Variants in SGCZ observed in about 807,000 individuals in gnomAD.
SGCZ encodes zeta-sarcoglycan.
Under a neutral mutation model 41.3 loss-of-function variants are expected in SGCZ, and 40 were observed. The ratio of observed to expected loss-of-function variants is 0.97; its 90% CI spans 0.75 to 1.26. The LOEUF (loss-of-function observed/expected upper bound fraction) is 1.26. Among genes scored for constraint, SGCZ ranks in the 50% most tolerant of loss-of-function variants. The pLI is 0.00. For missense variants in SGCZ, 552 were observed against 369.8 expected (o/e 1.49, Z -4.04); for synonymous variants, 206 against 137.5 (o/e 1.50, Z -3.49).
At chr8:14,835,256 T>C (rs561157921) in intron 1 of SGCZ, among the ~76,000 whole-genome samples, 2 of 152,322 alleles carry the variant, frequency 1.3e-5, no homozygotes, top group South Asian at 4.1e-4. Context: ...TGAAATATTT[T>C]CATCTGTCAT....
intron 1 of SGCZ, among the ~76,000 whole-genome samples, chr8:14,670,552 T>A (rs915739360): frequency 2.0e-5 from 3 of 152,176 alleles, no homozygotes; most frequent in African/African-American, 7.2e-5. Flanking sequence ...ATTAGATTAA[T>A]TTGAGGCTAA....
intron 2 of SGCZ, among the ~76,000 whole-genome samples, chr8:14,520,793 A>G (rs1563382743): frequency 6.6e-6 from 1 of 152,120 alleles, no homozygotes; most frequent in Non-Finnish European, 1.5e-5. Context: ...TTCTTTGAAC[A>G]TTATCATTTA....
chr8:14,888,413 T>C (rs1463754632), intron 1 of SGCZ, among the ~76,000 whole-genome samples: 2 of 152,128 alleles, frequency 1.3e-5, no homozygotes, highest in East Asian at 3.9e-4. Context: ...ACTTGAACCG[T>C]GACTATGATT....
chr8:15,217,377 A>G (rs35343843), intron 1 of SGCZ, among the ~76,000 whole-genome samples: 1 of 149,206 alleles, frequency 6.7e-6, no homozygotes, highest in East Asian at 2.0e-4. Context: ...AGATTGCGCC[A>G]CCGCACTCCA....
chr8:14,580,187 G>A (rs971584719), intron 1 of SGCZ, among the ~76,000 whole-genome samples: 1 of 152,148 alleles, frequency 6.6e-6, no homozygotes, highest in Admixed American at 6.6e-5. Context: ...CAGCCTAAGA[G>A]TAAAATGGGT....
intron 1 of SGCZ, among the ~76,000 whole-genome samples, chr8:14,596,640 C>T (rs890426782): frequency 6.6e-6 from 1 of 151,944 alleles, no homozygotes; most frequent in Admixed American, 6.6e-5. Flanking sequence ...TTTAGAATAT[C>T]GTCCATGTGG....
chr8:15,195,455 T>A (rs1369597947), intron 1 of SGCZ, among the ~76,000 whole-genome samples: 1 of 152,190 alleles, frequency 6.6e-6, no homozygotes, highest in African/African-American at 2.4e-5. Context: ...GGCAAGCTCA[T>A]TTTCATGCCC....
chr8:14,465,651 T>C (rs1012467710), intron 2 of SGCZ, among the ~76,000 whole-genome samples: 12 of 151,774 alleles, frequency 7.9e-5, no homozygotes, highest in Non-Finnish European at 1.5e-4. Context: ...TTTTCTTTCA[T>C]GTACATTATT....
At chr8:14,968,201 C>G (rs1801180236) in intron 1 of SGCZ, among the ~76,000 whole-genome samples, 1 of 152,062 alleles carries the variant, frequency 6.6e-6, no homozygotes, top group Non-Finnish European at 1.5e-5. Context: ...TTGATTTATT[C>G]AAGCAATTTG....
chr8:14,658,998 G>C (rs1425776798), intron 1 of SGCZ, among the ~76,000 whole-genome samples: 2 of 151,934 alleles, frequency 1.3e-5, no homozygotes, highest in East Asian at 3.9e-4. Flanking sequence ...CTAACTTAAA[G>C]TTACTGTTAA....
intron 1 of SGCZ, among the ~76,000 whole-genome samples, chr8:14,829,324 A>G (rs1053408516): frequency 1.4e-5 from 2 of 140,804 alleles, no homozygotes; most frequent in African/African-American, 5.9e-5. Flanking sequence ...TTAAATTCCC[A>G]GAAACGTCAA....
intron 1 of SGCZ, among the ~76,000 whole-genome samples, chr8:15,007,798 C>G (rs1198541378): frequency 6.6e-6 from 1 of 152,070 alleles, no homozygotes; most frequent in Non-Finnish European, 1.5e-5. Context: ...AAATAGATAG[C>G]AGCATTTATT....
intron 2 of SGCZ, among the ~76,000 whole-genome samples, chr8:14,549,912 T>G: frequency 6.6e-6 from 1 of 151,936 alleles, no homozygotes; most frequent in South Asian, 2.1e-4. Context: ...TTGTTAAGAG[T>G]TAAGTTGGTA....
At chr8:14,414,453 A>G (rs1427901262) in intron 2 of SGCZ, among the ~76,000 whole-genome samples, 3 of 151,914 alleles carry the variant, frequency 2.0e-5, no homozygotes, top group Non-Finnish European at 4.4e-5. Context: ...AAATCTCAGG[A>G]TGGGTCTGAG....
chr8:14,784,597 T>C (rs534967145), intron 1 of SGCZ, among the ~76,000 whole-genome samples: 1 of 151,924 alleles, frequency 6.6e-6, no homozygotes, highest in Non-Finnish European at 1.5e-5. Flanking sequence ...AGGAGAATGA[T>C]AAGATGCATG....
chr8:14,265,845 T>A (rs941694533), intron 3 of SGCZ, among the ~76,000 whole-genome samples: 3 of 147,218 alleles, frequency 2.0e-5, no homozygotes, highest in African/African-American at 7.6e-5. Context: ...AAACGAAAAA[T>A]ACAGTAAAGA....
At chr8:14,934,084 C>G (rs959756245) in intron 1 of SGCZ, among the ~76,000 whole-genome samples, 2 of 151,854 alleles carry the variant, frequency 1.3e-5, no homozygotes, top group African/African-American at 4.9e-5. Context: ...ATAATTTATA[C>G]TAAATATTCC....
At chr8:14,137,425 A>G (rs1803233600) in intron 5 of SGCZ, among the ~76,000 whole-genome samples, 1 of 152,240 alleles carries the variant, frequency 6.6e-6, no homozygotes, top group Admixed American at 6.5e-5. Context: ...GAAGCTAAAA[A>G]CCTTGAAAAA....
At chr8:14,578,252 C>T (rs897746136) in intron 1 of SGCZ, among the ~76,000 whole-genome samples, 33 of 152,138 alleles carry the variant, frequency 2.2e-4, no homozygotes, top group Non-Finnish European at 4.6e-4. Context: ...GACATTTCAC[C>T]AGCCACCACC....
Sources: allele counts gnomAD v4.1 joint callset (sites outside exome capture counted in the v4.1 genomes callset), GRCh38; gene constraint gnomAD v4.1.1; transcripts MANE v1.5; gene names NCBI Gene and HGNC (gene_info 2026-07-23, HGNC 2026-07-21).